Variants in IGF2R observed in about 807,000 individuals in gnomAD.
IGF2R encodes cation-independent mannose-6-phosphate receptor.
In IGF2R, 91 loss-of-function variants were observed where a neutral mutation model predicts 270.6. The ratio of observed to expected loss-of-function variants is 0.34; its 90% CI spans 0.28 to 0.40. The LOEUF (loss-of-function observed/expected upper bound fraction) is 0.40, where lower values mean the gene tolerates loss of function less well. IGF2R is among the 10% of genes least tolerant of loss of function. The probability of loss-of-function intolerance (pLI) is 1.00; values close to 1 mark genes in which losing one functional copy is unlikely to be tolerated. For synonymous variants in IGF2R, 1,316 were observed against 1,258.9 expected (o/e 1.05, Z -0.96); for missense variants, 2,805 against 3,188.3 (o/e 0.88, Z 2.90).
chr6:160,068,059 ATGGGGGG>A (rs1203225902), intron 29 of IGF2R, among the ~76,000 whole-genome samples, 183 bp from the exon 30 acceptor site: 2 of 95,186 alleles, frequency 2.1e-5, no homozygotes, highest in African/African-American at 4.7e-5. Flanking sequence ...GCTGATTCTG[ATGGGGGG>A]TGTGTGTGTG....
chr6:160,060,898 T>G (rs1409868322), intron 23 of IGF2R, among the ~76,000 whole-genome samples, 181 bp downstream of exon 23: 1 of 152,236 alleles, frequency 6.6e-6, no homozygotes, highest in East Asian at 1.9e-4. Flanking sequence ...AGAGTTGTAA[T>G]GTTTTTCTTG....
rs909142086 is a variant in IGF2R, at chr6:160,068,916, A to G, written c.4252+531A>G. On this transcript the variant is annotated intron_variant, in intron 30 of 47. Transcript: ENST00000356956. ...AGGGTGTTAACAGTTGATCCCTAGT[A>G]TGGCCCAGGGTAAATCAGTGCTGAG... 5.3e-5 allele frequency among the ~76,000 whole-genome samples: 8 copies of G among 152,306 alleles called. No individual in the cohort carries two copies. In the South Asian group the frequency reaches 8.3e-4, roughly 16 times the overall value.
At chr6:160,047,405 C>A in intron 16 of IGF2R, 69 bp downstream of exon 16, 2 of 1,331,102 alleles carry the variant, frequency 1.5e-6, no homozygotes, top group Non-Finnish European at 2.0e-6. Context: ...TTCATTTAAG[C>A]AGAGCTTGTA....
At chr6:160,062,700 C>T (rs1238512053) in intron 26 of IGF2R, 81 bp downstream of exon 26, 21 of 945,368 alleles carry the variant, frequency 2.2e-5, no homozygotes, top group South Asian at 8.7e-5. Context: ...GATATGAGAC[C>T]GTGTGATAAC....
intron 4 of IGF2R, 106 bp from the exon 5 acceptor site, chr6:160,024,466 A>G (rs1309122213): frequency 1.8e-6 from 2 of 1,088,822 alleles, no homozygotes; most frequent in Admixed American, 1.9e-5. Context: ...CCATAGCATG[A>G]TAGTCCCTAA....
intron 36 of IGF2R, 31 bp from the exon 37 acceptor site, chr6:160,078,170 T>G: frequency 6.2e-7 from 1 of 1,606,758 alleles, no homozygotes; most frequent in Non-Finnish European, 8.5e-7. Flanking sequence ...TGCCATGGGG[T>G]TTTTAAGACC....
chr6:160,065,844 ATG>A (rs1157003401), intron 29 of IGF2R, among the ~76,000 whole-genome samples: 14 of 111,430 alleles, frequency 1.3e-4, no homozygotes, highest in African/African-American at 3.8e-4. Context: ...ATATATATAT[ATG>A]TATTTTTTTT....
chr6:159,977,679 T>G (rs1342990874), intron 1 of IGF2R, among the ~76,000 whole-genome samples: 1 of 152,198 alleles, frequency 6.6e-6, no homozygotes, highest in Non-Finnish European at 1.5e-5. Context: ...AACCTCTCAT[T>G]AGGGAGTTAG....
At chr6:160,043,353 TAGA>T in intron 12 of IGF2R, 65 bp downstream of exon 12, 1 of 1,517,436 alleles carries the variant, frequency 6.6e-7, no homozygotes, top group South Asian at 1.3e-5. Context: ...TGGAATGAGT[TAGA>T]AGATCTTTCT....
At chr6:160,074,841 C>T (rs1562368878) in intron 35 of IGF2R, among the ~76,000 whole-genome samples, 1 of 152,206 alleles carries the variant, frequency 6.6e-6, no homozygotes, top group Non-Finnish European at 1.5e-5. Context: ...TGAATTAGCA[C>T]AGCTCCAGCT....
chr6:160,032,913 C>G (rs1777729754), intron 8 of IGF2R, 29 bp from the exon 9 acceptor site: 2 of 1,545,400 alleles, frequency 1.3e-6, no homozygotes, highest in Admixed American at 1.7e-5. Flanking sequence ...ATAAAACAAG[C>G]CTCTTCTTGT....
Position 160,080,180 on chromosome 6 carries a change from G to A in IGF2R, c.5738G>A (p.Ser1913Asn). The change falls in exon 39 of 48, where the codon AGC (serine) becomes AAC (asparagine). Residue 1913 changes from serine (S) to asparagine (N), a missense_variant. By Grantham distance (46) the Ser-to-Asn change is conservative. Around this residue, in one of 2 missense-constraint regions of IGF2R, gnomAD observed 1,851 missense variants for 2,207.2 expected, o/e 0.84. Coordinates refer to ENST00000356956, the MANE Select transcript of IGF2R (RefSeq NM_000876.4). ...CVFPFIFNGK[S>N]YEECIIESRA... ...TTCCCCTTCATATTCAATGGGAAGAGCTACGAGGAGTGCATCATAGAGAGC... is the reference window on the plus strand; with the variant it reads ...TTCCCCTTCATATTCAATGGGAAGAACTACGAGGAGTGCATCATAGAGAGC... The A allele has an allele frequency of 3.7e-6, 6 of 1,614,130 alleles. No individual in the cohort carries two copies. Among genetic ancestry groups the A allele is most frequent in the Non-Finnish European group, 5.1e-6 (6 of 1,179,958 alleles).
intron 13 of IGF2R, among the ~76,000 whole-genome samples, chr6:160,045,290 T>A (rs1363905748): frequency 6.6e-6 from 1 of 152,246 alleles, no homozygotes; most frequent in East Asian, 1.9e-4. Flanking sequence ...CTACCTCCCA[T>A]TGAAATATTT....
chr6:160,050,537 A>T lies in IGF2R; in HGVS notation c.2579A>T (p.Glu860Val). Reference protein sequence around the residue: ...LGMAKTGPVVEDSGSLLLEYV... With the variant: ...LGMAKTGPVVVDSGSLLLEYV... Reference sequence around the variant, plus strand: ...ATGGCAAAGACCGGCCCGGTGGTTGAGGACAGCGGCAGCCTCCTTCTGGAA... The same window carrying T: ...ATGGCAAAGACCGGCCCGGTGGTTGTGGACAGCGGCAGCCTCCTTCTGGAA... The change falls in exon 19 of 48, where the codon GAG becomes GTG. Residue 860 changes from glutamate to valine, a missense_variant. Glu to Val is a moderately radical substitution (Grantham distance 121, BLOSUM62 -2). This residue lies in a region of IGF2R where 1,851 missense variants were observed against 2,207.2 expected (regional missense o/e 0.84). Transcript: ENST00000356956. This position sits in a 1 kb window ranked among gnomAD's most constrained non-coding sequence, Gnocchi z 4.0. 1.2e-6 allele frequency: 2 copies of T among 1,614,092 alleles called. No individual in the cohort carries two copies. The highest frequency in any genetic ancestry group is 1.7e-6 in the Non-Finnish European group (2 of 1,179,968).
chr6:160,054,083 G>A (rs1017946035), intron 19 of IGF2R, among the ~76,000 whole-genome samples: 14 of 152,150 alleles, frequency 9.2e-5, no homozygotes, highest in Admixed American at 2.6e-4. Flanking sequence ...ATAAAGATTT[G>A]CAGCCTGCAG....
chr6:160,097,462 T>C (rs1016823736), intron 45 of IGF2R, among the ~76,000 whole-genome samples: 1 of 152,208 alleles, frequency 6.6e-6, no homozygotes, highest in African/African-American at 2.4e-5. Context: ...CCCAAGTAGC[T>C]GGGATTGCAG....
chr6:160,077,649 CTT>C (rs1171090325), intron 36 of IGF2R, among the ~76,000 whole-genome samples: 1 of 152,154 alleles, frequency 6.6e-6, no homozygotes, highest in Non-Finnish European at 1.5e-5. Context: ...AATGGAAGTA[CTT>C]TTACCACTGA....
chr6:160,038,438 A>C (rs1265625634), intron 10 of IGF2R, among the ~76,000 whole-genome samples: 1 of 152,252 alleles, frequency 6.6e-6, no homozygotes, highest in Non-Finnish European at 1.5e-5. Flanking sequence ...GGTTATTTAC[A>C]AAATGGACTC....
At chr6:160,033,456 G>T (rs1777745546) in intron 9 of IGF2R, among the ~76,000 whole-genome samples, 1 of 152,250 alleles carries the variant, frequency 6.6e-6, no homozygotes, top group Non-Finnish European at 1.5e-5. Context: ...CAAGTGCGTT[G>T]TGTGTATTCT....
Sources: gnomAD v4.1 joint callset for allele counts (sites outside exome capture counted in the v4.1 genomes callset) on GRCh38, gnomAD v4.1.1 for gene constraint, gnomAD v4.1.1 regional missense constraint, Gnocchi (gnomAD v3.1) non-coding constraint, MANE v1.5 for transcripts, NCBI Gene and HGNC (gene_info 2026-07-23, HGNC 2026-07-21) for gene names.